The following LHFPL3 variants were observed in gnomAD, a reference collection of about 807,000 sequenced individuals.
LHFPL3 encodes LHFPL tetraspan subfamily member 3, also known as LHFPL tetraspan subfamily member 3 protein.
LHFPL3 carries 5 observed loss-of-function variants against 19.3 expected under a neutral mutation model. The ratio of observed to expected loss-of-function variants is 0.26; its 90% CI spans 0.14 to 0.54. LHFPL3 has a LOEUF of 0.54. Among genes scored for constraint, LHFPL3 ranks in the 20% least tolerant of loss-of-function variants. The probability of loss-of-function intolerance (pLI) is 0.94; values close to 1 mark genes in which losing one functional copy is unlikely to be tolerated. For synonymous variants in LHFPL3, 133 were observed against 126.2 expected (o/e 1.05, Z -0.36); for missense variants, 249 against 307.4 (o/e 0.81, Z 1.42).
At chr7:104,513,328 AG>A (rs1241261421) in intron 1 of LHFPL3, among the ~76,000 whole-genome samples, 1 of 152,200 alleles carries the variant, frequency 6.6e-6, no homozygotes, top group African/African-American at 2.4e-5. Flanking sequence ...AGGTTCCTAA[AG>A]AAAATGTGTG....
chr7:104,341,654 T>C (rs1789955545), intron 1 of LHFPL3, among the ~76,000 whole-genome samples: 1 of 152,182 alleles, frequency 6.6e-6, no homozygotes, highest in Non-Finnish European at 1.5e-5. Flanking sequence ...GAAAGGGCTC[T>C]CCAGTAAGAT....
At chr7:104,409,392 T>G (rs1258819005) in intron 1 of LHFPL3, among the ~76,000 whole-genome samples, 3 of 152,026 alleles carry the variant, frequency 2.0e-5, no homozygotes, top group Admixed American at 6.6e-5. Flanking sequence ...GGGTGACCCC[T>G]TGGTGTTGCC....
At chr7:104,830,255 C>T (rs570667626) in intron 2 of LHFPL3, among the ~76,000 whole-genome samples, 40 of 151,944 alleles carry the variant, frequency 2.6e-4, no homozygotes, top group Middle Eastern at 3.4e-3. Context: ...GGGTAGGTTG[C>T]GAAAATTTTC....
At chr7:104,629,538 A>G (rs1250306768) in intron 1 of LHFPL3, among the ~76,000 whole-genome samples, 1 of 152,294 alleles carries the variant, frequency 6.6e-6, no homozygotes, top group African/African-American at 2.4e-5. Flanking sequence ...TCACCCGGAA[A>G]TGGAAGCTGG....
At chr7:104,676,554 A>G (rs538249690) in intron 1 of LHFPL3, among the ~76,000 whole-genome samples, 1 of 152,330 alleles carries the variant, frequency 6.6e-6, no homozygotes, top group South Asian at 2.1e-4. Flanking sequence ...TTTTTGGTAG[A>G]TAATATTTTA....
chr7:104,522,251 A>G (rs1794081550), intron 1 of LHFPL3, among the ~76,000 whole-genome samples: 1 of 152,034 alleles, frequency 6.6e-6, no homozygotes, highest in South Asian at 2.1e-4. Context: ...CATGGATGAA[A>G]TTGGAAATCA....
intron 1 of LHFPL3, among the ~76,000 whole-genome samples, chr7:104,732,283 A>G (rs902765652): frequency 6.6e-6 from 1 of 152,188 alleles, no homozygotes; most frequent in Non-Finnish European, 1.5e-5. Context: ...TGATTGGAAT[A>G]GTTTCGGAAG....
At chr7:104,421,671 C>T (rs1422974267) in intron 1 of LHFPL3, among the ~76,000 whole-genome samples, 2 of 151,980 alleles carry the variant, frequency 1.3e-5, no homozygotes, top group Admixed American at 1.3e-4. Flanking sequence ...GATAGATCTC[C>T]GCAGAAACAA....
intron 1 of LHFPL3, among the ~76,000 whole-genome samples, chr7:104,456,065 T>C (rs184188197): frequency 1.2e-3 from 189 of 152,342 alleles, no homozygotes; most frequent in Non-Finnish European, 2.0e-3. Context: ...TAGTTTTCAG[T>C]GAGTTGACTG....
intron 1 of LHFPL3, among the ~76,000 whole-genome samples, chr7:104,456,576 A>C (rs1029999040): frequency 2.0e-5 from 3 of 152,210 alleles, no homozygotes; most frequent in African/African-American, 7.2e-5. Flanking sequence ...TAGCAACCTC[A>C]GTATATGATA....
intron 1 of LHFPL3, among the ~76,000 whole-genome samples, chr7:104,478,058 A>C (rs1039916890): frequency 6.6e-6 from 1 of 152,174 alleles, no homozygotes; most frequent in African/African-American, 2.4e-5. Context: ...AAAATGTTAA[A>C]TGTCAGTGCT....
intron 2 of LHFPL3, among the ~76,000 whole-genome samples, chr7:104,821,600 AC>A (rs1252879241): frequency 6.6e-6 from 1 of 152,152 alleles, no homozygotes; most frequent in Admixed American, 6.5e-5. Context: ...CAAAGATCGG[AC>A]CCTTTTAAAG....
chr7:104,660,172 T>G (rs536732348), intron 1 of LHFPL3, among the ~76,000 whole-genome samples: 1 of 152,248 alleles, frequency 6.6e-6, no homozygotes, highest in South Asian at 2.1e-4. Flanking sequence ...TGGCTAATTT[T>G]TTGCATTTTT....
chr7:104,347,846 C>T lies in LHFPL3; in HGVS notation c.445+18622C>T, dbSNP rs185296067. ...GGCAGAGGTTGCAGTGAGCCGAGAT[C>T]GCCCATTACACTCTAGCCTGGGCGA... On this transcript the variant is annotated intron_variant, in intron 1 of 2. Transcript: ENST00000424859. 2.8e-4 allele frequency among the ~76,000 whole-genome samples: 43 copies of T among 151,646 alleles called. 1 individual carries two copies. In the East Asian group the frequency reaches 8.0e-3, roughly 28 times the overall value.
intron 1 of LHFPL3, among the ~76,000 whole-genome samples, chr7:104,416,983 T>C (rs1423176180): frequency 2.6e-5 from 4 of 152,212 alleles, no homozygotes; most frequent in African/African-American, 9.7e-5. Context: ...AATCAATTCA[T>C]GCAGACAGAT....
chr7:104,336,543 G>A (rs1368634787), intron 1 of LHFPL3, among the ~76,000 whole-genome samples: 1 of 151,590 alleles, frequency 6.6e-6, no homozygotes, highest in East Asian at 1.9e-4. Context: ...GCAAGGGGAA[G>A]ATAAATAGTT....
intron 1 of LHFPL3, among the ~76,000 whole-genome samples, chr7:104,651,860 A>G (rs1792040040): frequency 6.6e-6 from 1 of 152,256 alleles, no homozygotes; most frequent in African/African-American, 2.4e-5. Flanking sequence ...TGACTTGTAA[A>G]ATGGTGATAA....
At chr7:104,376,763 T>C (rs1330317132) in intron 1 of LHFPL3, among the ~76,000 whole-genome samples, 1 of 152,196 alleles carries the variant, frequency 6.6e-6, no homozygotes, top group Non-Finnish European at 1.5e-5. Flanking sequence ...ACACTCCTCC[T>C]TGCCCTTGCC....
At chr7:104,360,567 G>A (rs904034684) in intron 1 of LHFPL3, among the ~76,000 whole-genome samples, 1 of 152,120 alleles carries the variant, frequency 6.6e-6, no homozygotes, top group Non-Finnish European at 1.5e-5. Context: ...TAGCAGGTGA[G>A]CCAGCCAGCC....
Sources: gnomAD v4.1 joint callset for allele counts (sites outside exome capture counted in the v4.1 genomes callset) on GRCh38, gnomAD v4.1.1 for gene constraint, MANE v1.5 for transcripts, NCBI Gene and HGNC (gene_info 2026-07-23, HGNC 2026-07-21) for gene names.